Variants in CLIC6 observed in about 807,000 individuals in gnomAD.
The protein encoded by CLIC6 is chloride intracellular channel protein 6.
Under a neutral mutation model 49.2 loss-of-function variants are expected in CLIC6, and 39 were observed. The observed-to-expected ratio is 0.79, with a 90% CI of 0.61 to 1.04. The LOEUF is 1.04. Ranked by LOEUF, CLIC6 falls within the 50% of genes least tolerant of loss-of-function variation. The probability of loss-of-function intolerance (pLI) is 0.00; values close to 1 mark genes in which losing one functional copy is unlikely to be tolerated. For synonymous variants in CLIC6, 446 were observed against 433.4 expected (o/e 1.03, Z -0.36); for missense variants, 988 against 993.1 (o/e 0.99, Z 0.07).
chr21:34,690,861 C>CAA (rs33931156), intron 1 of CLIC6, among the ~76,000 whole-genome samples: 17,126 of 99,252 alleles, frequency 0.17, 1,804 homozygotes, highest in East Asian at 0.22. Flanking sequence ...TAATACATGT[C>CAA]AAAAAAAAAA....
At position 34,694,534 on chromosome 21, in the gene CLIC6, G is replaced by C. The variant is rs1452061208; in HGVS notation, c.1375-12746G>C. The stretch of plus-strand genomic sequence containing the variant: ...ACCATGTTGCCCAGGCTGAAATCTG[G>C]TTGTTTAAAACTGTGTGGCACCTCC... On this transcript the variant is annotated intron_variant, in intron 1 of 5. Coordinates refer to ENST00000349499, the MANE Select transcript of CLIC6 (RefSeq NM_053277.3). Among the ~76,000 whole-genome samples, 4 of 152,004 alleles carry C rather than the reference G, an allele frequency of 2.6e-5. No homozygotes were observed. In the East Asian group the frequency reaches 7.7e-4, roughly 29 times the overall value.
Position 34,669,972 on chromosome 21 carries a change from C to T in CLIC6, c.584C>T (p.Pro195Leu). 12 of 1,342,536 alleles carry T rather than the reference C, an allele frequency of 8.9e-6. No individual in the cohort carries two copies. The highest frequency in any genetic ancestry group is 1.1e-5 in the Non-Finnish European group (12 of 1,056,430). 83.2% of individuals were successfully genotyped at this position (1,342,536 alleles called of 1,614,324 possible). ...GGGGACAGCGTAGACGCGGAAGGTC[C>T]GGCGGGGGACAGCGTAGACGCGGAG... ...RVGDSVDAEG[P>L]AGDSVDAEGP... Residue 195 changes from proline (P) to leucine (L), a missense_variant, in exon 1 of 6, where the codon CCG becomes CTG. By Grantham distance (98) the Pro-to-Leu change is moderately conservative. This residue lies in a region of CLIC6 where 57 missense variants were observed against 117.6 expected (regional missense o/e 0.48). Transcript: ENST00000349499.
chr21:34,705,440 GC>G (rs1160507992), intron 1 of CLIC6, among the ~76,000 whole-genome samples: 4 of 152,090 alleles, frequency 2.6e-5, no homozygotes, highest in African/African-American at 9.7e-5. Flanking sequence ...GCTTTTCAGG[GC>G]CCATCTGCCG....
At chr21:34,690,634 G>A (rs529517459) in intron 1 of CLIC6, among the ~76,000 whole-genome samples, 16 of 152,194 alleles carry the variant, frequency 1.1e-4, no homozygotes, top group South Asian at 4.2e-4. Flanking sequence ...TGCTGTGTTC[G>A]CCATATGATT....
rs1177996197 is a variant in CLIC6, at chr21:34,709,558, A to G, written c.1899+20A>G. ...ATTAAGGTTCATCTTCCCTCCCGAC[A>G]CGTGTGCCGAGTACACGAACGGGGC... On this transcript the variant is annotated intron_variant, in intron 5 of 5. Coordinates refer to ENST00000349499, the MANE Select transcript of CLIC6 (RefSeq NM_053277.3). 1 of 1,609,104 alleles carries G rather than the reference A, an allele frequency of 6.2e-7. No individual in the cohort carries two copies. Among genetic ancestry groups the G allele is most frequent in the East Asian group, 2.2e-5 (1 of 44,862 alleles).
At chr21:34,691,585 C>T (rs1406078976) in intron 1 of CLIC6, among the ~76,000 whole-genome samples, 1 of 150,704 alleles carries the variant, frequency 6.6e-6, no homozygotes, top group Non-Finnish European at 1.5e-5. Context: ...GGAAAACTAG[C>T]AGGTTGATAC....
Position 34,670,269 on chromosome 21 carries a change from G to A in CLIC6, c.881G>A (p.Gly294Asp), listed in dbSNP as rs1341477007. 5 of 1,441,858 alleles carry A rather than the reference G, an allele frequency of 3.5e-6. No individual in the cohort carries two copies. The African/African-American group carries it at 4.5e-5, about 13-fold the overall frequency. 89.3% of individuals were successfully genotyped at this position (1,441,858 alleles called of 1,614,324 possible). A position where few individuals can be genotyped will look rare whatever the true frequency, so the allele number is the denominator to read the frequency against. The change falls in exon 1 of 6, where the codon GGT becomes GAT. Residue 294 changes from glycine (G) to aspartate (D), a missense_variant. By Grantham distance (94) the Gly-to-Asp change is moderately conservative. Around this residue, in one of 3 missense-constraint regions of CLIC6, gnomAD observed 647 missense variants for 596.9 expected, o/e 1.08. Transcript: ENST00000349499. Reference protein sequence around the residue: ...GPAGRARRVSGEPQQSGDGSL... With the variant: ...GPAGRARRVSDEPQQSGDGSL... ...GCAGGAAGGGCGCGCCGGGTCTCGG[G>A]TGAGCCGCAGCAATCGGGGGACGGC...
chr21:34,686,594 G>C (rs1989883755), intron 1 of CLIC6, among the ~76,000 whole-genome samples: 1 of 152,184 alleles, frequency 6.6e-6, no homozygotes, highest in Admixed American at 6.5e-5. Flanking sequence ...GCAGAATATA[G>C]TGGACGTGAT....
intron 1 of CLIC6, among the ~76,000 whole-genome samples, chr21:34,696,141 C>T (rs1392509674): frequency 6.6e-6 from 1 of 152,100 alleles, no homozygotes; most frequent in African/African-American, 2.4e-5. Context: ...GCAAGGGTTT[C>T]CTACAGAGGG....
chr21:34,713,539 C>A (rs961409250), intron 5 of CLIC6, among the ~76,000 whole-genome samples: 1 of 152,032 alleles, frequency 6.6e-6, no homozygotes, highest in Non-Finnish European at 1.5e-5. Flanking sequence ...GTGTTTGTAG[C>A]CGTGCTGTCA....
rs1229083558 is a variant in CLIC6, at chr21:34,683,090, C to T, written c.1374+12328C>T. On this transcript the variant is annotated intron_variant, in intron 1 of 5. Transcript: ENST00000349499. Reference sequence around the variant, plus strand: ...CCTCCCAAAGTGCTAGGATTACAGGCGTGAGCCACCGCGCCTGGCCCCCTT... The same window carrying T: ...CCTCCCAAAGTGCTAGGATTACAGGTGTGAGCCACCGCGCCTGGCCCCCTT... Among the ~76,000 whole-genome samples the T allele has an allele frequency of 4.6e-5, 7 of 151,656 alleles. No homozygotes were observed. The South Asian group carries it at 6.2e-4, about 14-fold the overall frequency.
intron 5 of CLIC6, among the ~76,000 whole-genome samples, chr21:34,712,933 G>A (rs1013709393): frequency 1.3e-5 from 2 of 152,140 alleles, no homozygotes; most frequent in Admixed American, 1.3e-4. Context: ...CAACTCTAAT[G>A]TGTCTCTCTG....
chr21:34,675,908 G>T (rs1039926488), intron 1 of CLIC6, among the ~76,000 whole-genome samples: 1 of 152,202 alleles, frequency 6.6e-6, no homozygotes, highest in Admixed American at 6.5e-5. Context: ...TTCCATGAAG[G>T]CCTCTTGGCA....
intron 1 of CLIC6, among the ~76,000 whole-genome samples, chr21:34,682,858 T>C (rs1989806220): frequency 8.0e-6 from 1 of 124,830 alleles, no homozygotes; most frequent in Admixed American, 1.1e-4. Flanking sequence ...GTCTCCCAGG[T>C]TGGAGTGCGG....
At chr21:34,678,151 G>T (rs1045289471) in intron 1 of CLIC6, among the ~76,000 whole-genome samples, 1 of 152,068 alleles carries the variant, frequency 6.6e-6, no homozygotes, top group Non-Finnish European at 1.5e-5. Flanking sequence ...AAAGTTTCTG[G>T]CTGGGTGAGG....
rs774979904 is a variant in CLIC6 at position 34,709,403 on chromosome 21, C to G, written c.1764C>G (p.Tyr588Ter). Residue 588 changes from tyrosine (Y) to a stop codon, truncating the protein, a stop_gained, in exon 5 of 6, where the codon TAC becomes TAG. Coordinates refer to ENST00000349499, the MANE Select transcript of CLIC6 (RefSeq NM_053277.3). LOFTEE classifies it high-confidence loss of function. ...LLKALRKLDN[Y>*]LNSPLPDEID... ...AGGCCCTGAGGAAGCTGGATAATTA[C>G]TTAAATAGCCCTCTGCCTGATGAAA... 1 of 1,614,108 alleles carries G rather than the reference C, an allele frequency of 6.2e-7. No homozygotes were observed. Among genetic ancestry groups the G allele is most frequent in the East Asian group, 2.2e-5 (1 of 44,888 alleles).
At position 34,675,693 on chromosome 21, in the gene CLIC6, C is replaced by T. The variant is rs1989654327; in HGVS notation, c.1374+4931C>T. Among the ~76,000 whole-genome samples, 3 of 152,026 alleles carry T rather than the reference C, an allele frequency of 2.0e-5. No homozygotes were observed. The South Asian group carries it at 6.2e-4, about 32-fold the overall frequency. ...ACATGCATGCTGGGGGTGGGGATAC[C>T]CCTGCCACACTCAGTGAGAGCCCTA... On this transcript the variant is annotated intron_variant, in intron 1 of 5. Transcript: ENST00000349499.
Position 34,714,698 on chromosome 21 carries a change from A to AAC in CLIC6, c.1900-1622_1900-1621insCA, listed in dbSNP as rs199697007. 1.7e-3 allele frequency among the ~76,000 whole-genome samples: 218 copies of AAC among 125,084 alleles called. 2 individuals carry two copies. The highest frequency in any genetic ancestry group is 8.9e-3 in the Middle Eastern group (2 of 224). The allele number at this position is 125,084 out of a possible 152,430, so 82.1% of individuals were successfully genotyped here. ...CGAGACTGTCTCAAAAAAACAAAAA[A>AAC]AAAAAAAAAAAACTTGATAAATCAA... On this transcript the variant is annotated intron_variant, in intron 5 of 5. Transcript: ENST00000349499.
intron 1 of CLIC6, among the ~76,000 whole-genome samples, chr21:34,702,303 G>A (rs949672365): frequency 6.6e-6 from 1 of 152,116 alleles, no homozygotes; most frequent in African/African-American, 2.4e-5. Flanking sequence ...CCGTCTGCAG[G>A]GGATGGGACA....
Sources: allele counts gnomAD v4.1 joint callset (sites outside exome capture counted in the v4.1 genomes callset), GRCh38; gene constraint gnomAD v4.1.1; regional missense constraint gnomAD v4.1.1; transcripts MANE v1.5; gene names NCBI Gene and HGNC (gene_info 2026-07-23, HGNC 2026-07-21).